The following COLEC10 variants were observed in gnomAD, a reference collection of about 807,000 sequenced individuals.
COLEC10 encodes collectin subfamily member 10, also known as collectin-10.
COLEC10 carries 22 observed loss-of-function variants against 28.4 expected under a neutral mutation model. That is an observed-to-expected ratio of 0.78 (90% CI 0.55 to 1.11). The LOEUF (loss-of-function observed/expected upper bound fraction) is 1.11, where lower values mean the gene tolerates loss of function less well. Ranked by LOEUF, COLEC10 falls within the 50% of genes least tolerant of loss-of-function variation. The pLI is 0.00. For missense variants in COLEC10, 361 were observed against 344.1 expected, an observed-to-expected ratio of 1.05 and a Z score of -0.39; for synonymous variants, 125 against 116.1, an observed-to-expected ratio of 1.08 and a Z score of -0.49.
chr8:118,975,308 G>A, the COLEC10 span, among the ~76,000 whole-genome samples: 1 of 151,934 alleles, frequency 6.6e-6, no homozygotes, highest in Non-Finnish European at 1.5e-5. Flanking sequence ...GCTTTGCTCA[G>A]GTCTTGTGTT....
At chr8:119,004,565 C>T (rs537261562) in intron 1 of COLEC10, among the ~76,000 whole-genome samples, 2 of 150,186 alleles carry the variant, frequency 1.3e-5, no homozygotes, top group South Asian at 4.3e-4. Flanking sequence ...GCATATATAT[C>T]ACCAAATATA....
the COLEC10 span, among the ~76,000 whole-genome samples, chr8:118,960,717 G>A: frequency 6.6e-6 from 1 of 150,698 alleles, no homozygotes; most frequent in Non-Finnish European, 1.5e-5. Context: ...CCGGTGGGGG[G>A]TGGAGGTTGC....
chr8:119,096,565 T>C (rs1815723107), intron 3 of COLEC10, among the ~76,000 whole-genome samples: 1 of 151,992 alleles, frequency 6.6e-6, no homozygotes, highest in Admixed American at 6.6e-5. Flanking sequence ...CCCTCCAGCT[T>C]GGGCGACAGA....
At chr8:118,956,325 G>A in the COLEC10 span, among the ~76,000 whole-genome samples, 4 of 152,142 alleles carry the variant, frequency 2.6e-5, no homozygotes, top group African/African-American at 9.7e-5. Context: ...TTAAGCTGTT[G>A]AAGGGTGTAA....
At chr8:119,015,867 G>A (rs185151531) in intron 2 of COLEC10, among the ~76,000 whole-genome samples, 129 of 152,226 alleles carry the variant, frequency 8.5e-4, no homozygotes, top group Admixed American at 3.9e-3. Context: ...AAATGGCCAA[G>A]CTTTGCTTTA....
At chr8:118,959,927 A>C in the COLEC10 span, among the ~76,000 whole-genome samples, 1 of 152,262 alleles carries the variant, frequency 6.6e-6, no homozygotes, top group African/African-American at 2.4e-5. Flanking sequence ...GCAGAAAGTC[A>C]GAAGGCATAA....
chr8:119,007,352 C>T (rs892558286), intron 1 of COLEC10, among the ~76,000 whole-genome samples: 5 of 152,066 alleles, frequency 3.3e-5, no homozygotes, highest in African/African-American at 9.7e-5. Flanking sequence ...ATCAATTTTA[C>T]TATAATCTCT....
chr8:118,952,400 C>T, the COLEC10 span, among the ~76,000 whole-genome samples: 1 of 152,242 alleles, frequency 6.6e-6, no homozygotes, highest in South Asian at 2.1e-4. Flanking sequence ...CCGTACCCGG[C>T]TGCCTGACCC....
rs1348722743 is a variant in COLEC10, at chr8:119,106,365, T to TC, written c.*175dup. 31 of 636,884 alleles carry TC rather than the reference T, an allele frequency of 4.9e-5. No homozygotes were observed. The East Asian group carries it at 8.7e-4, about 18-fold the overall frequency. The allele number at this position is 636,884 out of a possible 1,614,324, so 39.5% of individuals were successfully genotyped here. A position where few individuals can be genotyped will look rare whatever the true frequency, so the allele number is the denominator to read the frequency against. On this transcript the variant is annotated 3_prime_UTR_variant, in exon 6 of 6. Coordinates refer to ENST00000332843, the MANE Select transcript of COLEC10 (RefSeq NM_006438.5). Reference sequence around the variant, plus strand: ...CTCTTTTGTGATGATTTTCATATTTTCACACATGGTATATTATTGACCCAA... The same window carrying TC: ...CTCTTTTGTGATGATTTTCATATTTTCCACACATGGTATATTATTGACCCAA...
intron 2 of COLEC10, among the ~76,000 whole-genome samples, chr8:119,029,596 G>T (rs1041679429): frequency 6.6e-6 from 1 of 152,150 alleles, no homozygotes; most frequent in Admixed American, 6.5e-5. Flanking sequence ...GCCTCGCAAA[G>T]GTGGGTATAT....
the COLEC10 span, among the ~76,000 whole-genome samples, chr8:118,971,036 C>T: frequency 1.3e-5 from 2 of 152,090 alleles, no homozygotes; most frequent in East Asian, 1.9e-4. Context: ...AGTAAAAACA[C>T]GTGACTTAAG....
At chr8:118,967,685 G>C in the COLEC10 span, among the ~76,000 whole-genome samples, 1 of 152,038 alleles carries the variant, frequency 6.6e-6, no homozygotes, top group African/African-American at 2.4e-5. Flanking sequence ...TGTTTTATTA[G>C]AAAATAACAT....
chr8:119,083,589 A>G (rs2450069), intron 1 of COLEC10, among the ~76,000 whole-genome samples: 95,064 of 151,974 alleles, frequency 0.63, 30,258 homozygotes, highest in Middle Eastern at 0.74. Flanking sequence ...CCATGCAAGC[A>G]GCTCTTTGAT....
chr8:119,035,556 G>GA (rs11458763), intron 2 of COLEC10, among the ~76,000 whole-genome samples: 95,366 of 151,928 alleles, frequency 0.63, 30,965 homozygotes, highest in African/African-American at 0.79. Flanking sequence ...GATGTCCACA[G>GA]AAAACCTTTC....
intron 2 of COLEC10, among the ~76,000 whole-genome samples, chr8:119,033,171 G>A (rs925970484): frequency 3.9e-5 from 6 of 152,116 alleles, no homozygotes; most frequent in African/African-American, 1.4e-4. Flanking sequence ...TCTAACTTTG[G>A]TCTTTTACAT....
the COLEC10 span, chr8:118,976,742 A>G: frequency 6.6e-5 from 10 of 151,880 alleles, no homozygotes; most frequent in African/African-American, 1.9e-4. Context: ...AGCCAAAATT[A>G]ACAAATGGGA....
intron 3 of COLEC10, among the ~76,000 whole-genome samples, chr8:119,097,330 A>G (rs1815740827): frequency 1.3e-5 from 2 of 152,032 alleles, no homozygotes; most frequent in African/African-American, 4.8e-5. Flanking sequence ...TTATCTGACT[A>G]CGTTATCCCT....
At chr8:118,954,419 G>C in the COLEC10 span, among the ~76,000 whole-genome samples, 1 of 152,180 alleles carries the variant, frequency 6.6e-6, no homozygotes. Context: ...GTGGGCTGCA[G>C]GCTTTGAACA....
At position 119,070,454 on chromosome 8, in the gene COLEC10, T is replaced by G. The variant is rs1055925550; in HGVS notation, c.148+3025T>G. Among the ~76,000 whole-genome samples, 433 of 135,880 alleles carry G rather than the reference T, an allele frequency of 3.2e-3. 17 individuals are homozygous for G. Among genetic ancestry groups the G allele is most frequent in the African/African-American group, 0.012 (396 of 33,944 alleles). The allele number at this position is 135,880 out of a possible 152,430, so 89.1% of individuals were successfully genotyped here. A position where few individuals can be genotyped will look rare whatever the true frequency, so the allele number is the denominator to read the frequency against. ...ATGAAATGTTCTCCCTCGCTCTCTCTCTCTCTCTCTCTCTCTCTCTCTCCT... is the reference window on the plus strand; with the variant it reads ...ATGAAATGTTCTCCCTCGCTCTCTCGCTCTCTCTCTCTCTCTCTCTCTCCT... On this transcript the variant is annotated intron_variant, in intron 1 of 5. Transcript: ENST00000332843.
Sources: allele counts gnomAD v4.1 joint callset (sites outside exome capture counted in the v4.1 genomes callset), GRCh38; gene constraint gnomAD v4.1.1; transcripts MANE v1.5; gene names NCBI Gene and HGNC (gene_info 2026-07-23, HGNC 2026-07-21).